GRHL2: variants seen among roughly 807,000 people sequenced by gnomAD.
The protein encoded by GRHL2 is grainyhead-like protein 2 homolog.
In GRHL2, 21 loss-of-function variants were observed where a neutral mutation model predicts 83.8. The ratio of observed to expected loss-of-function variants is 0.25; its 90% CI spans 0.18 to 0.36. The LOEUF (loss-of-function observed/expected upper bound fraction) is 0.36. Ranked by LOEUF, GRHL2 falls within the 10% of genes least tolerant of loss-of-function variation. GRHL2 has a pLI of 1.00. For synonymous variants in GRHL2, 280 were observed against 278.9 expected, an observed-to-expected ratio of 1.00 and a Z score of -0.04; for missense variants, 623 against 781.8, an observed-to-expected ratio of 0.80 and a Z score of 2.42.
intron 7 of GRHL2, among the ~76,000 whole-genome samples, chr8:101,592,262 G>T (rs566093544): frequency 1.3e-5 from 2 of 151,702 alleles, no homozygotes; most frequent in African/African-American, 4.8e-5. Context: ...CCACAACCAC[G>T]CCCGGCTAAT....
chr8:101,549,494 C>A (rs62519111), intron 2 of GRHL2, among the ~76,000 whole-genome samples: 18,957 of 152,160 alleles, frequency 0.12, 1,522 homozygotes, highest in South Asian at 0.25. Flanking sequence ...GGAGGCTGAG[C>A]CTGGAGGCTG....
chr8:101,567,050 A>G (rs1425931888), intron 4 of GRHL2, among the ~76,000 whole-genome samples: 1 of 152,214 alleles, frequency 6.6e-6, no homozygotes, highest in Middle Eastern at 3.2e-3. Context: ...AATCAAAGAC[A>G]AGAAATGGTT....
intron 8 of GRHL2, among the ~76,000 whole-genome samples, chr8:101,605,812 A>G (rs1812621701): frequency 6.6e-6 from 1 of 152,188 alleles, no homozygotes; most frequent in African/African-American, 2.4e-5. Context: ...CGCTCCAAAG[A>G]TCAGTGCATG....
chr8:101,499,634 G>A (rs1810181902), intron 1 of GRHL2, among the ~76,000 whole-genome samples: 1 of 152,150 alleles, frequency 6.6e-6, no homozygotes, highest in Non-Finnish European at 1.5e-5. Context: ...ATGTCAACTA[G>A]GTTTAACCTT....
intron 1 of GRHL2, among the ~76,000 whole-genome samples, chr8:101,496,383 C>T (rs1810106129): frequency 6.6e-6 from 1 of 152,106 alleles, no homozygotes. Context: ...TGCTTGTTTA[C>T]ATTTGGCTAT....
At chr8:101,638,799 A>G (rs887978605) in intron 12 of GRHL2, among the ~76,000 whole-genome samples, 1 of 152,210 alleles carries the variant, frequency 6.6e-6, no homozygotes, top group East Asian at 1.9e-4. Flanking sequence ...AGCACTGTCA[A>G]TTCTAATCAG....
chr8:101,587,326 G>T (rs1286806668), intron 7 of GRHL2, among the ~76,000 whole-genome samples: 1 of 152,198 alleles, frequency 6.6e-6, no homozygotes, highest in East Asian at 1.9e-4. Flanking sequence ...TGCTTGAAGA[G>T]ACCTCTGAGA....
rs1406466859 is a variant in GRHL2 at position 101,558,415 on chromosome 8, A to T, written c.285-4A>T. On this transcript the variant is annotated splice_region_variant and splice_polypyrimidine_tract_variant and intron_variant, in intron 3 of 15. Transcript: ENST00000646743. ...ATCATGTTGCGGGGGGTTTCAACAC[A>T]CAGAAACTGCCTTGGCACCAGTGAA... is the stretch of plus-strand genomic sequence containing the variant. 1 of 1,614,130 alleles carries T rather than the reference A, an allele frequency of 6.2e-7. No homozygotes were observed. The highest frequency in any genetic ancestry group is 8.5e-7 in the Non-Finnish European group (1 of 1,180,026).
chr8:101,510,257 A>C (rs1810436023), intron 1 of GRHL2, among the ~76,000 whole-genome samples: 1 of 152,182 alleles, frequency 6.6e-6, no homozygotes, highest in African/African-American at 2.4e-5. Context: ...TCTGCCACCC[A>C]AAGTGGTGGG....
chr8:101,501,019 C>A (rs1370401444), intron 1 of GRHL2, among the ~76,000 whole-genome samples: 1 of 152,154 alleles, frequency 6.6e-6, no homozygotes, highest in Admixed American at 6.5e-5. Flanking sequence ...AAAAGAGCAC[C>A]TTTTGATTTG....
chr8:101,677,082 T>A, the GRHL2 span, among the ~76,000 whole-genome samples: 3 of 151,862 alleles, frequency 2.0e-5, no homozygotes, highest in East Asian at 5.8e-4. Flanking sequence ...GAGGGGGGGA[T>A]AGATAGCATT....
At chr8:101,631,572 G>A in intron 9 of GRHL2, 65 bp from the exon 10 acceptor site, 2 of 1,241,008 alleles carry the variant, frequency 1.6e-6, no homozygotes, top group Non-Finnish European at 2.3e-6. Context: ...ACTTATGTGT[G>A]ACATGACTTT....
intron 14 of GRHL2, among the ~76,000 whole-genome samples, chr8:101,654,805 T>G (rs1394455213): frequency 6.6e-6 from 1 of 152,186 alleles, no homozygotes; most frequent in Admixed American, 6.5e-5. Flanking sequence ...GTTGGAGTTC[T>G]GTTGTTTAAA....
chr8:101,666,166 G>A (rs1814051168), intron 15 of GRHL2, among the ~76,000 whole-genome samples: 1 of 152,178 alleles, frequency 6.6e-6, no homozygotes, highest in Non-Finnish European at 1.5e-5. Context: ...ATTCTTGCTT[G>A]TTTTCCTCTT....
At chr8:101,583,633 T>C (rs777743280) in intron 7 of GRHL2, among the ~76,000 whole-genome samples, 1 of 152,160 alleles carries the variant, frequency 6.6e-6, no homozygotes, top group Non-Finnish European at 1.5e-5. Context: ...TTATCCAGTT[T>C]TGCACAGTGT....
At chr8:101,502,236 G>A (rs1054053329) in intron 1 of GRHL2, among the ~76,000 whole-genome samples, 11 of 152,070 alleles carry the variant, frequency 7.2e-5, no homozygotes, top group African/African-American at 1.2e-4. Flanking sequence ...AATGATCTCC[G>A]TGAATAATTA....
In GRHL2 at chr8:101,649,518, T is replaced by G; in HGVS notation, c.1698+19T>G. ...GGAAGCGGTAAGCCATATACTCCTT[T>G]CAGCCTCCAGGAAACCTGCTGTGTT... On this transcript the variant is annotated intron_variant, in intron 14 of 15. Transcript: ENST00000646743. 6.3e-7 allele frequency: 1 copy of G among 1,591,626 alleles called. No individual in the cohort carries two copies. Among genetic ancestry groups the G allele is most frequent in the Non-Finnish European group, 8.6e-7 (1 of 1,160,044 alleles).
the GRHL2 span, among the ~76,000 whole-genome samples, chr8:101,674,878 T>A: frequency 0.99 from 151,149 of 151,948 alleles, 75,222 homozygotes; most frequent in Middle Eastern, 1. Context: ...GTGGGCTTCA[T>A]CCCTGGGATG....
chr8:101,526,016 A>G (rs142306791), intron 1 of GRHL2, among the ~76,000 whole-genome samples: 79 of 152,300 alleles, frequency 5.2e-4, no homozygotes, highest in Non-Finnish European at 9.4e-4. Flanking sequence ...ATTTAATGAG[A>G]AGAGTAGTGT....
Sources: allele counts gnomAD v4.1 joint callset (sites outside exome capture counted in the v4.1 genomes callset), GRCh38; gene constraint gnomAD v4.1.1; transcripts MANE v1.5; gene names NCBI Gene and HGNC (gene_info 2026-07-23, HGNC 2026-07-21).